The following SLC22A4 variants were observed in gnomAD, a reference collection of about 807,000 sequenced individuals.
SLC22A4 encodes ET transporter.
A neutral mutation model predicts 56.6 loss-of-function variants in SLC22A4; 39 were observed. The ratio of observed to expected loss-of-function variants is 0.69; its 90% CI spans 0.53 to 0.90. The LOEUF is 0.90. SLC22A4 is among the 40% of genes least tolerant of loss of function. The pLI is 0.00. For synonymous variants in SLC22A4, 241 were observed against 281.4 expected (o/e 0.86, Z 1.44); for missense variants, 594 against 696.5 (o/e 0.85, Z 1.66).
At chr5:132,318,285 T>C (rs921139079) in intron 3 of SLC22A4, among the ~76,000 whole-genome samples, 5 of 152,162 alleles carry the variant, frequency 3.3e-5, no homozygotes, top group African/African-American at 9.7e-5. Flanking sequence ...AGAATAACTA[T>C]TACTGAGCAC....
chr5:132,298,518 A>G (rs963874316), intron 1 of SLC22A4, among the ~76,000 whole-genome samples: 1 of 152,246 alleles, frequency 6.6e-6, no homozygotes, highest in Admixed American at 6.5e-5. Flanking sequence ...TTGTAAGATG[A>G]AAGTAGTGTT....
intron 1 of SLC22A4, among the ~76,000 whole-genome samples, chr5:132,301,991 C>T (rs553534803): frequency 3.3e-5 from 5 of 152,324 alleles, no homozygotes; most frequent in East Asian, 3.9e-4. Context: ...CCAGCCAGCC[C>T]GGCGAGACTT....
At chr5:132,322,399 GCACACCTGGAA>G (rs1299851795) in intron 4 of SLC22A4, 44 bp downstream of exon 4, 1 of 1,586,652 alleles carries the variant, frequency 6.3e-7, no homozygotes, top group Admixed American at 1.7e-5. Flanking sequence ...CTGCGGGTCA[GCACACCTGGAA>G]CACACCTGGA....
intron 7 of SLC22A4, 146 bp downstream of exon 7, chr5:132,335,078 T>C: frequency 1.4e-6 from 1 of 699,926 alleles, no homozygotes; most frequent in Non-Finnish European, 2.6e-6. Flanking sequence ...TCACTACGTA[T>C]GTTGTTTCCT....
At chr5:132,295,426 C>T (rs1167428029) in intron 1 of SLC22A4, 1 of 404,634 alleles carries the variant, frequency 2.5e-6, no homozygotes, top group Non-Finnish European at 4.9e-6. Context: ...CTTGTCTGTT[C>T]CCTGGCCACA....
chr5:132,322,458 A>G, intron 4 of SLC22A4, 103 bp downstream of exon 4: 1 of 1,194,072 alleles, frequency 8.4e-7, no homozygotes, highest in Non-Finnish European at 1.2e-6. Context: ...CATGACCTCC[A>G]CGGAACTCGC....
chr5:132,298,211 A>G (rs1749822595), intron 1 of SLC22A4, among the ~76,000 whole-genome samples: 2 of 152,256 alleles, frequency 1.3e-5, no homozygotes, highest in Non-Finnish European at 2.9e-5. Flanking sequence ...ATTATTCACA[A>G]TAGTCAAAAG....
chr5:132,306,471 G>T lies in SLC22A4; in HGVS notation c.394-5690G>T, dbSNP rs1750043740. Among the ~76,000 whole-genome samples, 4 of 122,262 alleles carry T rather than the reference G, an allele frequency of 3.3e-5. No individual in the cohort carries two copies. In the South Asian group the frequency reaches 1.1e-3, roughly 34 times the overall value. The allele number at this position is 122,262 out of a possible 152,430, so 80.2% of individuals were successfully genotyped here. A position where few individuals can be genotyped will look rare whatever the true frequency, so the allele number is the denominator to read the frequency against. On this transcript the variant is annotated intron_variant, in intron 1 of 9. Coordinates refer to ENST00000200652, the MANE Select transcript of SLC22A4 (RefSeq NM_003059.3). ...TGTTGTTGTTGTTGTTGTTGAGATG[G>T]AGTCTCACTTTGTTGCCCAGGCTGG...
intron 3 of SLC22A4, among the ~76,000 whole-genome samples, chr5:132,320,166 C>T (rs1227663937): frequency 6.6e-6 from 1 of 152,230 alleles, no homozygotes; most frequent in Non-Finnish European, 1.5e-5. Context: ...AGTTATATAA[C>T]TGTTCTGGTC....
chr5:132,334,305 G>A (rs546166439), intron 6 of SLC22A4, among the ~76,000 whole-genome samples: 1 of 152,322 alleles, frequency 6.6e-6, no homozygotes, highest in Non-Finnish European at 1.5e-5. Flanking sequence ...GTTCACTGAT[G>A]TGACTAATAT....
At chr5:132,335,773 A>G in intron 7 of SLC22A4, 45 bp from the exon 8 acceptor site, 1 of 1,477,824 alleles carries the variant, frequency 6.8e-7, no homozygotes, top group Non-Finnish European at 9.5e-7. Flanking sequence ...ATAAGAAAGT[A>G]TCACTTCTAA....
At chr5:132,304,574 GC>G (rs1027364154) in intron 1 of SLC22A4, among the ~76,000 whole-genome samples, 1 of 152,098 alleles carries the variant, frequency 6.6e-6, no homozygotes, top group Admixed American at 6.5e-5. Context: ...CCGAGATCAT[GC>G]CACTGTACTC....
intron 7 of SLC22A4, among the ~76,000 whole-genome samples, chr5:132,335,342 T>C (rs972818853): frequency 6.6e-6 from 1 of 152,232 alleles, no homozygotes; most frequent in Non-Finnish European, 1.5e-5. Context: ...AATCTTTAAG[T>C]AGTTAAATAG....
chr5:132,325,024 C>T (rs1750650741), intron 4 of SLC22A4, among the ~76,000 whole-genome samples: 1 of 152,082 alleles, frequency 6.6e-6, no homozygotes. Flanking sequence ...TAAGTGGCCA[C>T]AGGTGTGAAT....
intron 4 of SLC22A4, among the ~76,000 whole-genome samples, chr5:132,325,392 T>C (rs931450527): frequency 6.6e-6 from 1 of 152,216 alleles, no homozygotes; most frequent in East Asian, 1.9e-4. Flanking sequence ...TTAGTACAGA[T>C]ACAGAACATT....
At chr5:132,296,350 T>C (rs1010799781) in intron 1 of SLC22A4, among the ~76,000 whole-genome samples, 1 of 152,220 alleles carries the variant, frequency 6.6e-6, no homozygotes, top group African/African-American at 2.4e-5. Flanking sequence ...CTATGTATAC[T>C]GAGGAGCTGA....
intron 3 of SLC22A4, among the ~76,000 whole-genome samples, chr5:132,315,430 C>T (rs1033640452): frequency 9.9e-5 from 15 of 152,160 alleles, no homozygotes; most frequent in Admixed American, 9.8e-4. Context: ...GAATGGGCAG[C>T]ACTGAGATCT....
chr5:132,324,755 A>T, intron 4 of SLC22A4: 1 of 356,570 alleles, frequency 2.8e-6, no homozygotes, highest in South Asian at 2.1e-5. Flanking sequence ...CTCCAGCAAC[A>T]CCTCACTGCT....
Position 132,295,028 on chromosome 5 carries a change from C to T in SLC22A4, c.393+19C>T. 6.3e-7 allele frequency: 1 copy of T among 1,597,806 alleles called. No homozygotes were observed. The highest frequency in any genetic ancestry group is 8.5e-7 in the Non-Finnish European group (1 of 1,172,718). On this transcript the variant is annotated intron_variant, in intron 1 of 9. Transcript: ENST00000200652. ...GACCGAGGTGGGTGCCAGGCCGAGA[C>T]CGTTGACCCGGGAGTGCCTGACCCT...
Sources: gnomAD v4.1 joint callset for allele counts (sites outside exome capture counted in the v4.1 genomes callset) on GRCh38, gnomAD v4.1.1 for gene constraint, MANE v1.5 for transcripts, NCBI Gene and HGNC (gene_info 2026-07-23, HGNC 2026-07-21) for gene names.